LUC7L: variants seen among roughly 807,000 people sequenced by gnomAD.
The protein encoded by LUC7L is putative RNA-binding protein Luc7-like 1.
Under a neutral mutation model 51.1 loss-of-function variants are expected in LUC7L, and 29 were observed. That is an observed-to-expected ratio of 0.57 (90% CI 0.42 to 0.77). LUC7L has a LOEUF of 0.77. Among genes scored for constraint, LUC7L ranks in the 30% least tolerant of loss-of-function variants. The probability of loss-of-function intolerance (pLI) is 0.00; values close to 1 mark genes in which losing one functional copy is unlikely to be tolerated. For missense variants in LUC7L, 403 were observed against 511.9 expected, an observed-to-expected ratio of 0.79 and a Z score of 2.05; for synonymous variants, 181 against 180.7, an observed-to-expected ratio of 1.00 and a Z score of -0.01.
intron 3 of LUC7L, among the ~76,000 whole-genome samples, chr16:218,706 G>C (rs540991258): frequency 6.6e-6 from 1 of 151,746 alleles, no homozygotes; most frequent in Non-Finnish European, 1.5e-5. Context: ...GGGCAACAGA[G>C]GGAGACTCTG....
At chr16:203,915 C>T (rs1280735208) in intron 5 of LUC7L, among the ~76,000 whole-genome samples, 2 of 151,840 alleles carry the variant, frequency 1.3e-5, no homozygotes, top group Admixed American at 1.3e-4. Flanking sequence ...ACTCGGGAGG[C>T]TGAGGCAGGA....
intron 2 of LUC7L, among the ~76,000 whole-genome samples, chr16:221,283 G>A (rs1313902333): frequency 6.9e-6 from 1 of 145,960 alleles, no homozygotes; most frequent in Non-Finnish European, 1.5e-5. Context: ...GACCTCAAGT[G>A]ATACACCCAC....
At chr16:217,374 A>AC (rs2049833061) in intron 3 of LUC7L, among the ~76,000 whole-genome samples, 1 of 151,966 alleles carries the variant, frequency 6.6e-6, no homozygotes, top group African/African-American at 2.4e-5. Flanking sequence ...CATCTCAGGT[A>AC]CCCCCCAAAT....
intron 3 of LUC7L, among the ~76,000 whole-genome samples, chr16:211,052 C>CAA (rs572440490): frequency 1.6e-3 from 197 of 122,088 alleles, no homozygotes; most frequent in Non-Finnish European, 2.7e-3. Flanking sequence ...CACTCCGTCT[C>CAA]AAAAAAAAAA....
chr16:190,686 C>A, intron 7 of LUC7L, 116 bp from the exon 8 acceptor site: 1 of 898,760 alleles, frequency 1.1e-6, no homozygotes, highest in Admixed American at 2.0e-5. Context: ...TGGAGACCAG[C>A]CTGGACAACG....
intron 3 of LUC7L, among the ~76,000 whole-genome samples, chr16:212,702 G>T (rs1316316101): frequency 2.0e-5 from 3 of 152,026 alleles, no homozygotes; most frequent in Non-Finnish European, 4.4e-5. Flanking sequence ...CAACATGGGA[G>T]TAAAGGTTAA....
intron 4 of LUC7L, 80 bp from the exon 5 acceptor site, chr16:206,227 AT>A: frequency 7.3e-7 from 1 of 1,372,456 alleles, no homozygotes; most frequent in African/African-American, 1.5e-5. Context: ...CTCCTGCTCC[AT>A]TTCCAGTCTG....
chr16:192,308 G>A (rs1422807514), intron 7 of LUC7L, among the ~76,000 whole-genome samples: 4 of 151,968 alleles, frequency 2.6e-5, no homozygotes, highest in Admixed American at 1.3e-4. Flanking sequence ...AGCCCAGCAC[G>A]CTTGCCAAAG....
chr16:220,420 T>G, intron 3 of LUC7L: 2 of 437,024 alleles, frequency 4.6e-6, no homozygotes, highest in Non-Finnish European at 8.1e-6. Flanking sequence ...ATTAAAATTT[T>G]TAAAAGCAAC....
At chr16:205,873 G>T in intron 5 of LUC7L, 131 bp downstream of exon 5, 1 of 1,039,302 alleles carries the variant, frequency 9.6e-7, no homozygotes, top group Non-Finnish European at 1.4e-6. Flanking sequence ...ACAGGCGTGA[G>T]CCACTGTGCT....
rs2050218643 is a variant in LUC7L, at chr16:229,432, G to A, written c.-93C>T. On this transcript the variant is annotated 5_prime_UTR_variant, in exon 1 of 10. Transcript: ENST00000293872. ...GACAAACGATGGTCGCGTCGGCCTC[G>A]AGCCCACTCGGCTCTTTCCCGCCGC... is the stretch of plus-strand genomic sequence containing the variant. 1 of 1,160,868 alleles carries A rather than the reference G, an allele frequency of 8.6e-7. No individual in the cohort carries two copies. The highest frequency in any genetic ancestry group is 3.1e-5 in the East Asian group (1 of 31,770). The allele number at this position is 1,160,868 out of a possible 1,614,324, so 71.9% of individuals were successfully genotyped here. A position where few individuals can be genotyped will look rare whatever the true frequency, so the allele number is the denominator to read the frequency against.
At chr16:204,045 CA>C (rs1163533154) in intron 5 of LUC7L, among the ~76,000 whole-genome samples, 1 of 151,860 alleles carries the variant, frequency 6.6e-6, no homozygotes, top group Non-Finnish European at 1.5e-5. Flanking sequence ...AACCAAAAAA[CA>C]AATGACCAAT....
At chr16:218,924 CAAAAAAAAAAA>C (rs33981903) in intron 3 of LUC7L, among the ~76,000 whole-genome samples, 2 of 38,824 alleles carry the variant, frequency 5.2e-5, no homozygotes, top group Admixed American at 4.1e-4. Context: ...AACCCTGTCT[CAAAAAAAAAAA>C]AAAAAAAAAA....
intron 4 of LUC7L, among the ~76,000 whole-genome samples, chr16:207,675 G>GAA (rs140795980): frequency 0.02 from 2,978 of 152,312 alleles, 83 homozygotes; most frequent in African/African-American, 0.067. Context: ...GAGTAAGGCA[G>GAA]AGAGTACTGT....
In LUC7L at chr16:225,620, G is replaced by A. The variant is rs564499900; in HGVS notation, c.156+1622C>T. 7.3e-5 allele frequency among the ~76,000 whole-genome samples: 11 copies of A among 149,942 alleles called. No individual in the cohort carries two copies. In the South Asian group the frequency reaches 1.5e-3, roughly 20 times the overall value. On this transcript the variant is annotated intron_variant, in intron 2 of 9. Coordinates refer to ENST00000293872, the MANE Select transcript of LUC7L (RefSeq NM_201412.3). ...TCCTGCCTCAGTCTCCTGAGTAGCT[G>A]GGATTACAGGCATGCGCCACCACAC... is the stretch of plus-strand genomic sequence containing the variant.
At position 189,250 on chromosome 16, in the gene LUC7L, T is replaced by A; in HGVS notation, c.1064A>T (p.Asn355Ile). Reference protein sequence around the residue: ...GPPDWRLESSNGKMASRRSEE... With the variant: ...GPPDWRLESSIGKMASRRSEE... ...TGACCTCCGTGAAGCCATCTTCCCG[T>A]TGGAGCTCTCAAGCCTCCAGTCCGG... Residue 355 changes from asparagine to isoleucine, a missense_variant, in exon 10 of 10, where the codon AAC (asparagine) becomes ATC (isoleucine). Physicochemically the swap from Asn to Ile is moderately radical, Grantham distance 149 (BLOSUM62 -3). Transcript: ENST00000293872. 6.2e-7 allele frequency: 1 copy of A among 1,614,026 alleles called. No homozygotes were observed. Among genetic ancestry groups the A allele is most frequent in the Non-Finnish European group, 8.5e-7 (1 of 1,179,994 alleles).
intron 1 of LUC7L, chr16:229,060 C>G (rs1175238751): frequency 3.5e-6 from 5 of 1,417,762 alleles, no homozygotes; most frequent in Non-Finnish European, 3.7e-6. Context: ...CCATCCATGG[C>G]GCAGACTCCG....
At chr16:215,436 T>C (rs1392778712) in intron 3 of LUC7L, among the ~76,000 whole-genome samples, 1 of 151,806 alleles carries the variant, frequency 6.6e-6, no homozygotes, top group Non-Finnish European at 1.5e-5. Flanking sequence ...CTGACCAGTA[T>C]TGTAAAACCC....
In LUC7L at chr16:189,100, T is replaced by G; in HGVS notation, c.*98A>C. On this transcript the variant is annotated 3_prime_UTR_variant, in exon 10 of 10. Transcript: ENST00000293872. ...AGCTAGCTCCAAAACAATAGAAATT[T>G]TAAACTACAAAAGATGAGTTGTATT... The G allele has an allele frequency of 7.5e-7, 1 of 1,340,460 alleles. No individual in the cohort carries two copies. The highest frequency in any genetic ancestry group is 1.5e-5 in the African/African-American group (1 of 68,626). 83.0% of individuals were successfully genotyped at this position (1,340,460 alleles called of 1,614,324 possible).
Sources: allele counts gnomAD v4.1 joint callset (sites outside exome capture counted in the v4.1 genomes callset), GRCh38; gene constraint gnomAD v4.1.1; transcripts MANE v1.5; gene names NCBI Gene and HGNC (gene_info 2026-07-23, HGNC 2026-07-21).